The following WWOX variants were observed in gnomAD, a reference collection of about 807,000 sequenced individuals.
The protein encoded by WWOX is WW domain containing oxidoreductase, also known as WW domain-containing oxidoreductase.
In WWOX, 69 loss-of-function variants were observed where a neutral mutation model predicts 46.2. The ratio of observed to expected loss-of-function variants is 1.49; its 90% CI spans 1.23 to 1.82. The LOEUF (loss-of-function observed/expected upper bound fraction) is 1.82, where lower values mean the gene tolerates loss of function less well. Ranked by LOEUF, WWOX falls within the 40% of genes most tolerant of loss-of-function variation. The pLI, the probability that WWOX is intolerant of heterozygous loss-of-function variation, is 0.00. For missense variants in WWOX, 919 were observed against 542.6 expected (o/e 1.69, Z -6.89); for synonymous variants, 359 against 202.6 (o/e 1.77, Z -6.56).
At chr16:78,422,468 C>T (rs930237046) in intron 6 of WWOX, among the ~76,000 whole-genome samples, 4 of 150,624 alleles carry the variant, frequency 2.7e-5, no homozygotes, top group Admixed American at 6.7e-5. Flanking sequence ...TCTCAGCCTC[C>T]GAAGTAGCTG....
chr16:78,907,116 G>C (rs940142710), intron 8 of WWOX, among the ~76,000 whole-genome samples: 2 of 152,122 alleles, frequency 1.3e-5, no homozygotes, highest in African/African-American at 4.8e-5. Flanking sequence ...TGAAAATTCA[G>C]AGACTGGGGT....
In WWOX at chr16:79,003,335, G is replaced by A. The variant is rs576643318; in HGVS notation, c.1057-208273G>A. 1.1e-4 allele frequency among the ~76,000 whole-genome samples: 16 copies of A among 152,284 alleles called. No homozygotes were observed. In the South Asian group the frequency reaches 3.3e-3, roughly 32 times the overall value. ...GGAACGGGGACGTGATCTAACATTT[G>A]CTGAGATCCTGCTGTATACCGGGAA... On this transcript the variant is annotated intron_variant, in intron 8 of 8. Coordinates refer to ENST00000566780, the MANE Select transcript of WWOX (RefSeq NM_016373.4).
At chr16:78,697,099 A>G (rs1414316351) in intron 8 of WWOX, among the ~76,000 whole-genome samples, 1 of 152,136 alleles carries the variant, frequency 6.6e-6, no homozygotes, top group East Asian at 1.9e-4. Context: ...CATTTTTGCA[A>G]TTGTGAATTG....
chr16:78,730,441 A>G lies in WWOX; in HGVS notation c.1056+297689A>G, dbSNP rs140830770. Among the ~76,000 whole-genome samples the G allele has an allele frequency of 2.6e-3, 395 of 152,060 alleles. 2 individuals carry two copies. The highest frequency in any genetic ancestry group is 8.9e-3 in the African/African-American group (370 of 41,492). Reference sequence around the variant, plus strand: ...TAGGACTCATCATTCACATGAGTCCAGGAGAAATACATCTTTTGTTTGTTT... The same window carrying G: ...TAGGACTCATCATTCACATGAGTCCGGGAGAAATACATCTTTTGTTTGTTT... On this transcript the variant is annotated intron_variant, in intron 8 of 8. Transcript: ENST00000566780.
chr16:78,113,033 A>C (rs1279133580), intron 3 of WWOX, among the ~76,000 whole-genome samples: 2 of 152,174 alleles, frequency 1.3e-5, no homozygotes, highest in Admixed American at 6.5e-5. Flanking sequence ...TATGTAGTCA[A>C]ATCAATTTTC....
intron 4 of WWOX, among the ~76,000 whole-genome samples, chr16:78,121,300 A>C (rs981429744): frequency 3.3e-5 from 5 of 152,234 alleles, no homozygotes; most frequent in African/African-American, 1.2e-4. Context: ...AATTATACCC[A>C]GGTATTGTAA....
chr16:78,947,812 G>A (rs2045978664), intron 8 of WWOX, among the ~76,000 whole-genome samples: 1 of 152,142 alleles, frequency 6.6e-6, no homozygotes, highest in Admixed American at 6.5e-5. Flanking sequence ...ATGCATAAAA[G>A]CCAAAATATG....
At chr16:78,949,494 C>G (rs1482362124) in intron 8 of WWOX, among the ~76,000 whole-genome samples, 1 of 152,120 alleles carries the variant, frequency 6.6e-6, no homozygotes, top group Non-Finnish European at 1.5e-5. Context: ...AATAGAATTG[C>G]TTTTGTGGGA....
chr16:79,018,523 C>G (rs975001029), intron 8 of WWOX, among the ~76,000 whole-genome samples: 3 of 152,164 alleles, frequency 2.0e-5, no homozygotes, highest in Admixed American at 1.3e-4. Flanking sequence ...TGACAATGGT[C>G]TGATTAATTG....
intron 5 of WWOX, among the ~76,000 whole-genome samples, chr16:78,194,442 G>C (rs1041636751): frequency 6.6e-6 from 1 of 151,684 alleles, no homozygotes; most frequent in Admixed American, 6.6e-5. Context: ...ACAAAAATTA[G>C]CCTGGCGTGG....
chr16:78,883,839 A>G (rs2044394925), intron 8 of WWOX, among the ~76,000 whole-genome samples: 1 of 152,192 alleles, frequency 6.6e-6, no homozygotes, highest in African/African-American at 2.4e-5. Flanking sequence ...TCTGTTTGTA[A>G]GTTTCCTGTA....
intron 8 of WWOX, among the ~76,000 whole-genome samples, chr16:78,713,506 A>G (rs1052022089): frequency 1.3e-5 from 2 of 152,084 alleles, no homozygotes; most frequent in African/African-American, 4.8e-5. Context: ...TTGGAGATAC[A>G]GCCTTTTAAA....
chr16:79,019,639 G>C (rs2047491422), intron 8 of WWOX, among the ~76,000 whole-genome samples: 1 of 151,926 alleles, frequency 6.6e-6, no homozygotes, highest in Admixed American at 6.6e-5. Context: ...GGAAGCAGCT[G>C]CATGTGCATA....
rs903355916 is a variant in WWOX at position 78,618,287 on chromosome 16, G to A, written c.1056+185535G>A. 2.0e-5 allele frequency among the ~76,000 whole-genome samples: 3 copies of A among 152,192 alleles called. No homozygotes were observed. In the East Asian group the frequency reaches 5.8e-4, roughly 29 times the overall value. On this transcript the variant is annotated intron_variant, in intron 8 of 8. Transcript: ENST00000566780. The stretch of plus-strand genomic sequence containing the variant: ...GAGCTTGTTTTATTTTGCTTGGGCT[G>A]CTGTAGAAATACCACAGGTCAGGTG...
intron 5 of WWOX, among the ~76,000 whole-genome samples, chr16:78,382,594 G>T (rs537046149): frequency 6.6e-6 from 1 of 152,160 alleles, no homozygotes; most frequent in Non-Finnish European, 1.5e-5. Flanking sequence ...CCACTCTGAC[G>T]TACTAAAGGG....
At position 78,449,028 on chromosome 16, in the gene WWOX, G is replaced by A. The variant is rs191491716; in HGVS notation, c.1056+16276G>A. On this transcript the variant is annotated intron_variant, in intron 8 of 8. Coordinates refer to ENST00000566780, the MANE Select transcript of WWOX (RefSeq NM_016373.4). Reference sequence around the variant, plus strand: ...TTAAAGATAAGCAGTGTTATTACAGGGTAGAAATTCACCTATGTCAAGTAG... The same window carrying A: ...TTAAAGATAAGCAGTGTTATTACAGAGTAGAAATTCACCTATGTCAAGTAG... Among the ~76,000 whole-genome samples the A allele has an allele frequency of 2.0e-3, 300 of 152,162 alleles. 1 individual carries two copies. The highest frequency in any genetic ancestry group is 3.5e-3 in the Non-Finnish European group (236 of 68,008).
At chr16:79,014,764 T>G (rs1212332053) in intron 8 of WWOX, among the ~76,000 whole-genome samples, 1 of 152,184 alleles carries the variant, frequency 6.6e-6, no homozygotes, top group Non-Finnish European at 1.5e-5. Context: ...GGATTCGAGT[T>G]AGTTTTGCTC....
intron 8 of WWOX, among the ~76,000 whole-genome samples, chr16:78,569,906 C>T (rs148876958): frequency 7.2e-5 from 11 of 152,302 alleles, no homozygotes; most frequent in South Asian, 2.1e-4. Flanking sequence ...AAATACCCAT[C>T]GGTACCTCTT....
chr16:78,126,880 A>C (rs1029139547), intron 4 of WWOX, among the ~76,000 whole-genome samples: 2 of 152,296 alleles, frequency 1.3e-5, no homozygotes, highest in Middle Eastern at 3.4e-3. Flanking sequence ...TGGTTATGCA[A>C]ATTTCCCCTA....
Sources: allele counts gnomAD v4.1 joint callset (sites outside exome capture counted in the v4.1 genomes callset), GRCh38; gene constraint gnomAD v4.1.1; transcripts MANE v1.5; gene names NCBI Gene and HGNC (gene_info 2026-07-23, HGNC 2026-07-21).